PLEKHH1: variants seen among roughly 807,000 people sequenced by gnomAD.
PLEKHH1 encodes pleckstrin homology, MyTH4 and FERM domain containing H1.
PLEKHH1 carries 104 observed loss-of-function variants against 160.0 expected under a neutral mutation model. That is an observed-to-expected ratio of 0.65 (90% CI 0.55 to 0.76). The LOEUF (loss-of-function observed/expected upper bound fraction) is 0.76. Ranked by LOEUF, PLEKHH1 falls within the 30% of genes least tolerant of loss-of-function variation. The pLI, the probability that PLEKHH1 is intolerant of heterozygous loss-of-function variation, is 0.00. For missense variants in PLEKHH1, 1,427 were observed against 1,724.1 expected, an observed-to-expected ratio of 0.83 and a Z score of 3.05; for synonymous variants, 619 against 678.4, an observed-to-expected ratio of 0.91 and a Z score of 1.36.
At position 67,576,349 on chromosome 14, in the gene PLEKHH1, C is replaced by T; in HGVS notation, c.2353-46C>T. ...GTCCTCCTTGGAGCTCTTGCCTCCACTCTTCCCACCCCGTCCCCATCCGAT... is the reference window on the plus strand; with the variant it reads ...GTCCTCCTTGGAGCTCTTGCCTCCATTCTTCCCACCCCGTCCCCATCCGAT... On this transcript the variant is annotated intron_variant, in intron 16 of 28. Transcript: ENST00000329153. The surrounding 1 kb of genome is among the most constrained non-coding windows in gnomAD (Gnocchi z 4.0). The T allele has an allele frequency of 8.9e-7, 1 of 1,118,248 alleles. No homozygotes were observed. The highest frequency in any genetic ancestry group is 2.3e-4 in the Middle Eastern group (1 of 4,434). The allele number at this position is 1,118,248 out of a possible 1,614,324, so 69.3% of individuals were successfully genotyped here.
intron 2 of PLEKHH1, among the ~76,000 whole-genome samples, chr14:67,552,909 C>T (rs555465354): frequency 5.3e-5 from 8 of 152,352 alleles, no homozygotes; most frequent in Non-Finnish European, 8.8e-5. Context: ...GCCATTCAAT[C>T]TACTTCAGTA....
chr14:67,580,865 A>G lies in PLEKHH1; in HGVS notation c.3184-73A>G, dbSNP rs2140524994. ...TTCTTTGCTCTTCTGCTCTGAGTCC[A>G]GCCCTGGCTGGACCTTGATCCCTTC... On this transcript the variant is annotated intron_variant, in intron 22 of 28. Coordinates refer to ENST00000329153, the MANE Select transcript of PLEKHH1 (RefSeq NM_020715.3). The G allele has an allele frequency of 3.1e-6, 3 of 972,986 alleles. No homozygotes were observed. In the East Asian group the frequency reaches 7.2e-5, roughly 23 times the overall value. The allele number at this position is 972,986 out of a possible 1,614,324, so 60.3% of individuals were successfully genotyped here.
chr14:67,535,182 A>G (rs1006314460), intron 1 of PLEKHH1, among the ~76,000 whole-genome samples: 4 of 152,174 alleles, frequency 2.6e-5, no homozygotes, highest in Admixed American at 1.3e-4. Flanking sequence ...TGCTCTGAAT[A>G]TCTCTGAGAG....
intron 27 of PLEKHH1, 107 bp downstream of exon 27, chr14:67,585,761 AC>A: frequency 1.0e-6 from 1 of 998,968 alleles, no homozygotes; most frequent in South Asian, 1.5e-5. Context: ...TGGCTGCCCT[AC>A]CCCCACTCCT....
At chr14:67,555,307 C>G (rs1292921518) in intron 2 of PLEKHH1, among the ~76,000 whole-genome samples, 1 of 152,222 alleles carries the variant, frequency 6.6e-6, no homozygotes, top group African/African-American at 2.4e-5. Flanking sequence ...GGTGATAGCC[C>G]TGAAGCCCTT....
chr14:67,557,458 A>ACAT, intron 4 of PLEKHH1, 40 bp downstream of exon 4: 1 of 1,592,814 alleles, frequency 6.3e-7, no homozygotes, highest in East Asian at 2.2e-5. Flanking sequence ...GCCCTCTTCG[A>ACAT]CATCTGTACT....
intron 28 of PLEKHH1, chr14:67,586,461 T>C: frequency 7.8e-7 from 1 of 1,275,340 alleles, no homozygotes; most frequent in East Asian, 5.3e-5. Flanking sequence ...TTTAAGGTGC[T>C]CGCATGTTAC....
chr14:67,579,871 G>A lies in PLEKHH1; in HGVS notation c.3178G>A (p.Val1060Ile), dbSNP rs780016600. The A allele has an allele frequency of 3.1e-6, 5 of 1,599,244 alleles. No homozygotes were observed. The Admixed American group carries it at 6.9e-5, about 22-fold the overall frequency. The change falls in exon 22 of 29, where the codon GTC becomes ATC. Residue 1060 changes from valine (V) to isoleucine (I), a missense_variant. This residue lies in a region of PLEKHH1 where 436 missense variants were observed against 607.5 expected (regional missense o/e 0.72). Coordinates refer to ENST00000329153, the MANE Select transcript of PLEKHH1 (RefSeq NM_020715.3). The stretch of plus-strand genomic sequence containing the variant: ...CCTGGAGCACTGCCTGCAGGGAAGT[G>A]TCAAGGTGACAGCCTCCCACTAAGC... ...RDLEHCLQGS[V>I]KICDAISKWE...
At chr14:67,537,984 T>C (rs1256970563) in intron 1 of PLEKHH1, among the ~76,000 whole-genome samples, 1 of 152,178 alleles carries the variant, frequency 6.6e-6, no homozygotes, top group Non-Finnish European at 1.5e-5. Flanking sequence ...GCCAGCAGAA[T>C]CAAGAAAACT....
At chr14:67,555,056 G>A (rs763289471) in intron 2 of PLEKHH1, among the ~76,000 whole-genome samples, 1 of 152,030 alleles carries the variant, frequency 6.6e-6, no homozygotes, top group African/African-American at 2.4e-5. Flanking sequence ...GGGACTACAG[G>A]CGCACACCGC....
rs1375180435 is a variant in PLEKHH1, at chr14:67,589,606, GT to G, written c.*2373del. The G allele has an allele frequency of 1.0e-6, 1 of 986,042 alleles. No individual in the cohort carries two copies. Among genetic ancestry groups the G allele is most frequent in the Non-Finnish European group, 1.2e-6 (1 of 830,342 alleles). 61.1% of individuals were successfully genotyped at this position (986,042 alleles called of 1,614,324 possible). A position where few individuals can be genotyped will look rare whatever the true frequency, so the allele number is the denominator to read the frequency against. ...GCCCTGTACAGAACACAGGCACTAG[GT>G]TGACAGACTCGTCTTTTGTAGGACA... is the stretch of plus-strand genomic sequence containing the variant. On this transcript the variant is annotated 3_prime_UTR_variant, in exon 29 of 29. Coordinates refer to ENST00000329153, the MANE Select transcript of PLEKHH1 (RefSeq NM_020715.3).
At chr14:67,562,112 G>A (rs1246604103) in intron 6 of PLEKHH1, 25 bp from the exon 7 acceptor site, 1 of 1,611,546 alleles carries the variant, frequency 6.2e-7, no homozygotes, top group Non-Finnish European at 8.5e-7. Flanking sequence ...AGCTCTCAAT[G>A]TGACTGTTTT....
chr14:67,572,029 C>A (rs748985644), intron 10 of PLEKHH1, 106 bp from the exon 11 acceptor site: 2 of 1,478,764 alleles, frequency 1.4e-6, no homozygotes, highest in East Asian at 4.9e-5. Context: ...CCACCCCCAG[C>A]CCCAGAGACC....
At chr14:67,541,707 C>T (rs2033970430) in intron 1 of PLEKHH1, 127 bp from the exon 2 acceptor site, 2 of 605,904 alleles carry the variant, frequency 3.3e-6, no homozygotes, top group Non-Finnish European at 2.7e-6. Context: ...CAATTCTCTT[C>T]CCCAGCCCTG....
chr14:67,587,238 A>G lies in PLEKHH1; in HGVS notation c.*3A>G, dbSNP rs1295190719. The G allele has an allele frequency of 6.2e-7, 1 of 1,613,472 alleles. No individual in the cohort carries two copies. The highest frequency in any genetic ancestry group is 1.7e-5 in the Admixed American group (1 of 60,004). On this transcript the variant is annotated 3_prime_UTR_variant, in exon 29 of 29. Transcript: ENST00000329153. ...CCAAGGGGCCAACGTTGCTGTGAAT[A>G]TTTCTCCTACCCGATTCCCCAACAC...
intron 5 of PLEKHH1, among the ~76,000 whole-genome samples, chr14:67,561,329 T>C (rs1189061959): frequency 6.6e-6 from 1 of 152,124 alleles, no homozygotes; most frequent in Admixed American, 6.6e-5. Context: ...GGCGGGTGGA[T>C]TGCTCGACAC....
chr14:67,568,637 G>T (rs757305281), intron 7 of PLEKHH1, among the ~76,000 whole-genome samples: 1 of 152,042 alleles, frequency 6.6e-6, no homozygotes, highest in Admixed American at 6.6e-5. Context: ...AAACAATAGA[G>T]AATTTTTTAA....
intron 24 of PLEKHH1, 61 bp from the exon 25 acceptor site, chr14:67,583,680 C>G (rs956837956): frequency 1.3e-5 from 17 of 1,329,084 alleles, no homozygotes; most frequent in Non-Finnish European, 1.6e-5. Flanking sequence ...CTCTCAACAG[C>G]CCCCACCTGG....
At chr14:67,557,126 A>T in intron 3 of PLEKHH1, 143 bp from the exon 4 acceptor site, 1 of 619,356 alleles carries the variant, frequency 1.6e-6, no homozygotes, top group Non-Finnish European at 2.8e-6. Flanking sequence ...TAATTGAATT[A>T]ATTGGCTCAG....
Sources: gnomAD v4.1 joint callset for allele counts (sites outside exome capture counted in the v4.1 genomes callset) on GRCh38, gnomAD v4.1.1 for gene constraint, gnomAD v4.1.1 regional missense constraint, Gnocchi (gnomAD v3.1) non-coding constraint, MANE v1.5 for transcripts, NCBI Gene and HGNC (gene_info 2026-07-23, HGNC 2026-07-21) for gene names.